TBL1XR1: variants seen among roughly 807,000 people sequenced by gnomAD.
TBL1XR1 encodes F-box-like/WD repeat-containing protein TBL1XR1.
A neutral mutation model predicts 66.9 loss-of-function variants in TBL1XR1; 5 were observed. That is an observed-to-expected ratio of 0.07 (90% confidence interval 0.04 to 0.16). TBL1XR1 has a LOEUF of 0.16. Ranked by LOEUF, TBL1XR1 falls within the 10% of genes least tolerant of loss-of-function variation. The pLI is 1.00. For synonymous variants in TBL1XR1, 210 were observed against 206.0 expected (o/e 1.02, Z -0.17); for missense variants, 238 against 623.2 (o/e 0.38, Z 6.58).
intron 3 of TBL1XR1, among the ~76,000 whole-genome samples, chr3:177,061,572 T>C (rs530226075): frequency 6.6e-6 from 1 of 152,194 alleles, no homozygotes; most frequent in African/African-American, 2.4e-5. Context: ...ACCAGTCCTT[T>C]GAATGTCCCT....
At chr3:177,140,762 A>C (rs1187883597) in intron 1 of TBL1XR1, among the ~76,000 whole-genome samples, 1 of 152,246 alleles carries the variant, frequency 6.6e-6, no homozygotes, top group African/African-American at 2.4e-5. Flanking sequence ...AATAATAGTC[A>C]TAACAGTAAT....
chr3:177,132,603 T>C (rs1728436021), intron 1 of TBL1XR1, among the ~76,000 whole-genome samples: 1 of 152,046 alleles, frequency 6.6e-6, no homozygotes, highest in African/African-American at 2.4e-5. Flanking sequence ...AACCGAATGA[T>C]ACGATAGTGG....
rs935352694 is a variant in TBL1XR1, at chr3:177,053,728, T to C, written c.204+45A>G. 5 of 1,561,658 alleles carry C rather than the reference T, an allele frequency of 3.2e-6. No homozygotes were observed. The African/African-American group carries it at 4.1e-5, about 13-fold the overall frequency. On this transcript the variant is annotated intron_variant, in intron 4 of 15. Transcript: ENST00000457928. ...AAGCAAGACAGCTGACTTAACGGCA[T>C]ATTTAAGATGAAAAAAATCAGTATT... is the stretch of plus-strand genomic sequence containing the variant.
chr3:177,062,531 G>T (rs1208959193), intron 3 of TBL1XR1, among the ~76,000 whole-genome samples: 1 of 152,162 alleles, frequency 6.6e-6, no homozygotes, highest in African/African-American at 2.4e-5. Context: ...ACTGCCATAA[G>T]TCAAAATGTC....
intron 1 of TBL1XR1, among the ~76,000 whole-genome samples, chr3:177,174,152 G>A (rs893778806): frequency 6.6e-6 from 1 of 152,014 alleles, no homozygotes; most frequent in African/African-American, 2.4e-5. Flanking sequence ...GGTGGCTCAC[G>A]CCTGTACTCC....
In TBL1XR1 at chr3:177,026,170, T is replaced by C. The variant is rs1713095666; in HGVS notation, c.1518+203A>G. 7.3e-6 allele frequency: 4 copies of C among 545,138 alleles called. No individual in the cohort carries two copies. In the South Asian group the frequency reaches 1.1e-4, roughly 14 times the overall value. 33.8% of individuals were successfully genotyped at this position (545,138 alleles called of 1,614,324 possible). On this transcript the variant is annotated intron_variant, in intron 15 of 15. Transcript: ENST00000457928. ...AACTGTCCATTTCTAGATTATAAGG[T>C]ATTTGGTAAGGACAGCCTAAATTTT... is the stretch of plus-strand genomic sequence containing the variant.
At chr3:177,026,526 A>T in intron 14 of TBL1XR1, 52 bp from the exon 15 acceptor site, 1 of 1,291,088 alleles carries the variant, frequency 7.7e-7, no homozygotes. Context: ...ATTATAATAA[A>T]TCCAAATGCT....
chr3:177,141,510 C>T (rs1308687303), intron 1 of TBL1XR1, among the ~76,000 whole-genome samples: 2 of 152,194 alleles, frequency 1.3e-5, no homozygotes, highest in Non-Finnish European at 2.9e-5. Context: ...ATATTTTTCA[C>T]ATATTTTTAT....
At chr3:177,134,526 C>T (rs1728673032) in intron 1 of TBL1XR1, among the ~76,000 whole-genome samples, 2 of 152,186 alleles carry the variant, frequency 1.3e-5, no homozygotes, top group Admixed American at 1.3e-4. Context: ...AAAGTGAAAA[C>T]AATCAGTTAT....
chr3:177,030,125 T>C (rs1472897712), intron 14 of TBL1XR1, among the ~76,000 whole-genome samples: 2 of 143,780 alleles, frequency 1.4e-5, no homozygotes, highest in Admixed American at 7.1e-5. Flanking sequence ...TGTGTGTATA[T>C]ATATATAGAG....
At chr3:177,121,632 A>G (rs1031652170) in intron 1 of TBL1XR1, among the ~76,000 whole-genome samples, 1 of 152,218 alleles carries the variant, frequency 6.6e-6, no homozygotes, top group Admixed American at 6.5e-5. Flanking sequence ...CTTATCTGGT[A>G]ATTAACATAA....
chr3:177,027,804 TTTTG>T (rs1268121003), intron 14 of TBL1XR1: 1 of 152,174 alleles, frequency 6.6e-6, no homozygotes, highest in East Asian at 1.9e-4. Context: ...GGCTCAACTG[TTTTG>T]TTTACTTAAA....
chr3:177,193,176 T>A (rs1409280787), intron 1 of TBL1XR1, among the ~76,000 whole-genome samples: 2 of 151,496 alleles, frequency 1.3e-5, no homozygotes, highest in Non-Finnish European at 2.9e-5. Flanking sequence ...AAAATAAAAT[T>A]TTAAAAAATA....
chr3:177,132,375 A>G (rs548712855), intron 1 of TBL1XR1, among the ~76,000 whole-genome samples: 22 of 152,312 alleles, frequency 1.4e-4, no homozygotes, highest in African/African-American at 4.6e-4. Context: ...CTTCAGGTCC[A>G]CTGATGGGAG....
chr3:177,093,586 T>C (rs74337090), intron 2 of TBL1XR1, among the ~76,000 whole-genome samples: 7 of 152,040 alleles, frequency 4.6e-5, no homozygotes, highest in Admixed American at 6.6e-5. Flanking sequence ...TATAAGGCCA[T>C]AGTCACCAAA....
intron 2 of TBL1XR1, among the ~76,000 whole-genome samples, chr3:177,090,022 C>G (rs1413468967): frequency 6.6e-6 from 1 of 152,148 alleles, no homozygotes; most frequent in Non-Finnish European, 1.5e-5. Context: ...CATAAGATGG[C>G]ATAATGCTTT....
At chr3:177,094,801 G>A (rs558481388) in intron 2 of TBL1XR1, among the ~76,000 whole-genome samples, 6 of 152,080 alleles carry the variant, frequency 3.9e-5, no homozygotes, top group Admixed American at 3.9e-4. Flanking sequence ...AATATACAAT[G>A]GACCTTGTGG....
chr3:177,115,906 C>A (rs1184515142), intron 1 of TBL1XR1, among the ~76,000 whole-genome samples: 2 of 152,158 alleles, frequency 1.3e-5, no homozygotes, highest in East Asian at 3.9e-4. Flanking sequence ...CAGCCAGAGG[C>A]AGCCATATTG....
At chr3:177,152,402 G>A (rs990691238) in intron 1 of TBL1XR1, among the ~76,000 whole-genome samples, 4 of 151,836 alleles carry the variant, frequency 2.6e-5, no homozygotes, top group South Asian at 2.1e-4. Flanking sequence ...TGCAACGTCC[G>A]CCTCCTGGGT....
Sources: allele counts gnomAD v4.1 joint callset (sites outside exome capture counted in the v4.1 genomes callset), GRCh38; gene constraint gnomAD v4.1.1; transcripts MANE v1.5; gene names NCBI Gene and HGNC (gene_info 2026-07-23, HGNC 2026-07-21).